SCOC: variants seen among roughly 807,000 people sequenced by gnomAD.
The protein encoded by SCOC is short coiled coil protein.
SCOC carries 7 observed loss-of-function variants against 9.9 expected under a neutral mutation model. That is an observed-to-expected ratio of 0.71 (90% CI 0.40 to 1.33). The LOEUF is 1.33. Among genes scored for constraint, SCOC ranks in the 40% most tolerant of loss-of-function variants. The probability of loss-of-function intolerance (pLI) is 0.01; values close to 1 mark genes in which losing one functional copy is unlikely to be tolerated. For missense variants in SCOC, 66 were observed against 89.7 expected (o/e 0.74, Z 1.07); for synonymous variants, 19 against 28.2 (o/e 0.67, Z 1.03).
intron 3 of SCOC, among the ~76,000 whole-genome samples, chr4:140,380,199 T>TC (rs201700867): frequency 2.0e-3 from 276 of 139,082 alleles, no homozygotes; most frequent in African/African-American, 5.2e-3. Context: ...TTTTTCTTTT[T>TC]TTTTTTTTTT....
chr4:140,280,741 C>T (rs1027946416), intron 1 of SCOC, among the ~76,000 whole-genome samples: 2 of 152,120 alleles, frequency 1.3e-5, no homozygotes, highest in African/African-American at 4.8e-5. Context: ...CATGAAAACA[C>T]ATCGGGTAGA....
At chr4:140,366,880 A>C (rs1285554231) in intron 2 of SCOC, 6 of 718,130 alleles carry the variant, frequency 8.4e-6, no homozygotes, top group Non-Finnish European at 1.0e-5. Flanking sequence ...GTTTGGCAAG[A>C]AGGAAGAAGG....
rs140635066 is a variant in SCOC at position 140,359,110 on chromosome 4, C to T, written c.70+15402C>T. 2.2e-3 allele frequency among the ~76,000 whole-genome samples: 232 copies of T among 105,486 alleles called. 5 individuals are homozygous for T. The East Asian group carries it at 0.054, about 25-fold the overall frequency. The allele number at this position is 105,486 out of a possible 152,430, so 69.2% of individuals were successfully genotyped here. ...ACAAGTTTGTGTTGTAGAGCGACAG[C>T]GTTTCATTTTGCTCACTATTTTGTG... On this transcript the variant is annotated intron_variant, in intron 2 of 4. Coordinates refer to the SCOC transcript ENST00000338517.
chr4:140,343,789 A>G (rs1187382450), intron 2 of SCOC: 4 of 1,007,464 alleles, frequency 4.0e-6, no homozygotes, highest in Non-Finnish European at 6.0e-6. Context: ...TATTATTTTC[A>G]GTATAATGAT....
At chr4:140,261,140 G>C (rs1225717295) in intron 1 of SCOC, among the ~76,000 whole-genome samples, 1 of 152,134 alleles carries the variant, frequency 6.6e-6, no homozygotes, top group Non-Finnish European at 1.5e-5. Context: ...CTGTGATAAT[G>C]GTGGTGATGA....
At chr4:140,301,868 G>C (rs559887384) in intron 1 of SCOC, among the ~76,000 whole-genome samples, 1 of 152,298 alleles carries the variant, frequency 6.6e-6, no homozygotes, top group South Asian at 2.1e-4. Flanking sequence ...TTCTCGCTCT[G>C]TTGCCCCGGC....
intron 1 of SCOC, among the ~76,000 whole-genome samples, chr4:140,377,555 A>G (rs358311): frequency 0.039 from 5,868 of 152,246 alleles, 143 homozygotes; most frequent in South Asian, 0.094. Context: ...GGGATATTTC[A>G]TATTTTTTTC....
At chr4:140,355,201 C>A in intron 2 of SCOC, among the ~76,000 whole-genome samples, 1 of 65,276 alleles carries the variant, frequency 1.5e-5, no homozygotes, top group African/African-American at 6.6e-5. Flanking sequence ...TCAGCCTATA[C>A]ATTATATTTT....
chr4:140,262,196 T>G lies in SCOC; in HGVS notation c.-19+4786T>G, dbSNP rs530513208. The stretch of plus-strand genomic sequence containing the variant: ...ATTAGACCTATGAAAGAAAGGCTTT[T>G]TGTACTAGACTAGTGCCTCCGTGTT... On this transcript the variant is annotated intron_variant, in intron 1 of 4. Transcript: ENST00000394205. Among the ~76,000 whole-genome samples the G allele has an allele frequency of 3.3e-5, 5 of 152,340 alleles. No individual in the cohort carries two copies. In the East Asian group the frequency reaches 9.6e-4, roughly 29 times the overall value.
intron 1 of SCOC, among the ~76,000 whole-genome samples, chr4:140,335,773 A>C (rs912970055): frequency 6.6e-6 from 1 of 152,170 alleles, no homozygotes; most frequent in East Asian, 1.9e-4. Flanking sequence ...ATATTTTGAG[A>C]TCATGACAAA....
At chr4:140,351,441 G>A (rs1045899581) in intron 2 of SCOC, among the ~76,000 whole-genome samples, 2 of 151,890 alleles carry the variant, frequency 1.3e-5, no homozygotes, top group South Asian at 2.1e-4. Flanking sequence ...CCTTCCCATC[G>A]CTCCTCTCCT....
intron 2 of SCOC, among the ~76,000 whole-genome samples, chr4:140,359,758 A>C (rs887755562): frequency 6.6e-6 from 1 of 152,204 alleles, no homozygotes; most frequent in South Asian, 2.1e-4. Flanking sequence ...TGCAGATATG[A>C]GTGAGGCTCC....
At chr4:140,289,017 GAC>G (rs899888251) in intron 1 of SCOC, among the ~76,000 whole-genome samples, 10 of 151,768 alleles carry the variant, frequency 6.6e-5, no homozygotes, top group African/African-American at 2.2e-4. Context: ...CCACACACAT[GAC>G]ACACACACTC....
At position 140,379,663 on chromosome 4, in the gene SCOC, A is replaced by G. The variant is rs1230624691; in HGVS notation, c.106+11A>G. The G allele has an allele frequency of 1.3e-6, 2 of 1,580,888 alleles. No individual in the cohort carries two copies. Among genetic ancestry groups the G allele is most frequent in the African/African-American group, 2.7e-5 (2 of 73,544 alleles). On this transcript the variant is annotated intron_variant, in intron 3 of 3. Transcript: ENST00000608372. ...AACACACACTTGAAGGTTGGCTTGC[A>G]TTTTGTAGTTTATTTGAATGACAGC...
At chr4:140,362,277 A>ACTTCTTCTTCTTCTT (rs1305620519) in intron 2 of SCOC, among the ~76,000 whole-genome samples, 10 of 11,662 alleles carry the variant, frequency 8.6e-4, no homozygotes, top group African/African-American at 2.0e-3. Context: ...GTGTGTCCTT[A>ACTTCTTCTTCTTCTT]CTTCTTCTTC....
chr4:140,367,808 AACTC>A (rs1039207362), intron 2 of SCOC, among the ~76,000 whole-genome samples: 4 of 152,238 alleles, frequency 2.6e-5, no homozygotes, highest in African/African-American at 9.6e-5. Flanking sequence ...GCTCAATGAC[AACTC>A]ACTCAGAAAA....
At chr4:140,348,956 A>G (rs1397144493) in intron 2 of SCOC, among the ~76,000 whole-genome samples, 1 of 152,136 alleles carries the variant, frequency 6.6e-6, no homozygotes, top group African/African-American at 2.4e-5. Flanking sequence ...TTCTCTGATG[A>G]TTAGTGGTAT....
At chr4:140,357,116 C>G (rs1396097495) in intron 2 of SCOC, among the ~76,000 whole-genome samples, 1 of 151,992 alleles carries the variant, frequency 6.6e-6, no homozygotes, top group Non-Finnish European at 1.5e-5. Flanking sequence ...ACTACAGGAG[C>G]CTGCCTCCAA....
chr4:140,310,062 T>A (rs1241388683), intron 1 of SCOC, among the ~76,000 whole-genome samples: 3 of 152,186 alleles, frequency 2.0e-5, no homozygotes, highest in Admixed American at 2.0e-4. Flanking sequence ...ACCAAAGGCA[T>A]CCAAAGGCAT....
Sources: gnomAD v4.1 joint callset for allele counts (sites outside exome capture counted in the v4.1 genomes callset) on GRCh38, gnomAD v4.1.1 for gene constraint, MANE v1.5 for transcripts, NCBI Gene and HGNC (gene_info 2026-07-23, HGNC 2026-07-21) for gene names.